RAB11FIP5: variants seen among roughly 807,000 people sequenced by gnomAD.
The protein encoded by RAB11FIP5 is rab11 family-interacting protein 5.
In RAB11FIP5, 48 loss-of-function variants were observed where a neutral mutation model predicts 85.1. The ratio of observed to expected loss-of-function variants is 0.56; its 90% CI spans 0.45 to 0.72. The LOEUF (loss-of-function observed/expected upper bound fraction) is 0.72, where lower values mean the gene tolerates loss of function less well. Among genes scored for constraint, RAB11FIP5 ranks in the 30% least tolerant of loss-of-function variants. The probability of loss-of-function intolerance (pLI) is 0.00; values close to 1 mark genes in which losing one functional copy is unlikely to be tolerated. For missense variants in RAB11FIP5, 1,491 were observed against 1,687.0 expected (o/e 0.88, Z 2.04); for synonymous variants, 729 against 727.3 (o/e 1.00, Z -0.04).
chr2:73,105,135 T>C (rs1306143850), intron 1 of RAB11FIP5, among the ~76,000 whole-genome samples: 1 of 152,238 alleles, frequency 6.6e-6, no homozygotes, highest in East Asian at 1.9e-4. Context: ...CGGAGTCTGG[T>C]ATGTGCTGAT....
intron 1 of RAB11FIP5, among the ~76,000 whole-genome samples, chr2:73,108,433 C>T (rs1273507097): frequency 6.6e-6 from 1 of 152,142 alleles, no homozygotes; most frequent in Non-Finnish European, 1.5e-5. Context: ...CAGTTGTGCT[C>T]TCTCCTCCTC....
rs193113699 is a variant in RAB11FIP5, at chr2:73,088,622, G to A, written c.996C>T (p.Ser332=). 5.0e-6 allele frequency: 8 copies of A among 1,613,400 alleles called. No individual in the cohort carries two copies. The East Asian group carries it at 1.6e-4, about 31-fold the overall frequency. Residue 332 remains serine, a synonymous_variant, in exon 3 of 6, where the codon TCC becomes TCT. Coordinates refer to ENST00000486777, the MANE Select transcript of RAB11FIP5 (RefSeq NM_001371272.1). ...TCCCATTGACACAGAGCGAAGAGCGGGAGGCAGCATCCAGGTGGCCCTGAA... is the reference window on the plus strand; with the variant it reads ...TCCCATTGACACAGAGCGAAGAGCGAGAGGCAGCATCCAGGTGGCCCTGAA... ...LDLQGHLDAA[S]RSSLCVNGSH...
chr2:73,081,018 A>T lies in RAB11FIP5; in HGVS notation c.2214T>A (p.Ala738=), dbSNP rs1683966233. ...LGPNHQSASA[A]DPGLLGSVGA... ...CTACCGACCCGAGGAGCCCTGGGTC[A>T]GCCGCGCTCGCGCTCTGGTGGTTCG... Residue 738 remains alanine, a synonymous_variant, in exon 4 of 6, where the codon GCT becomes GCA. Transcript: ENST00000486777. The surrounding 1 kb of genome is among the most constrained non-coding windows in gnomAD (Gnocchi z 4.2). 29 of 1,232,316 alleles carry T rather than the reference A, an allele frequency of 2.4e-5. No homozygotes were observed. The highest frequency in any genetic ancestry group is 2.9e-5 in the Non-Finnish European group (29 of 988,184). The allele number at this position is 1,232,316 out of a possible 1,614,324, so 76.3% of individuals were successfully genotyped here. A position where few individuals can be genotyped will look rare whatever the true frequency, so the allele number is the denominator to read the frequency against.
In RAB11FIP5 at chr2:73,088,159, C is replaced by T. The variant is rs768832166; in HGVS notation, c.1459G>A (p.Gly487Arg). ...LGRRSSLGEK[G>R]GPILGASPHH... is the part of the protein sequence containing the mutation. The stretch of plus-strand genomic sequence containing the variant: ...GGGGAGGCCCCCAGGATGGGACCCC[C>T]CTTTTCCCCCAGAGAGCTTCGGCGA... The change falls in exon 3 of 6, where the codon GGG becomes AGG. Residue 487 changes from glycine to arginine, a missense_variant. This residue lies in a region of RAB11FIP5 where 1,211 missense variants were observed against 1,338.0 expected (regional missense o/e 0.91). Transcript: ENST00000486777. 4.3e-6 allele frequency: 7 copies of T among 1,614,098 alleles called. No individual in the cohort carries two copies. The highest frequency in any genetic ancestry group is 1.3e-5 in the African/African-American group (1 of 75,062).
chr2:73,108,661 G>A (rs1224826332), intron 1 of RAB11FIP5, among the ~76,000 whole-genome samples: 1 of 152,186 alleles, frequency 6.6e-6, no homozygotes, highest in Non-Finnish European at 1.5e-5. Flanking sequence ...TGACCCCACA[G>A]GGAACAAGGA....
At chr2:73,097,162 T>C (rs1176433137) in intron 1 of RAB11FIP5, among the ~76,000 whole-genome samples, 3 of 152,168 alleles carry the variant, frequency 2.0e-5, no homozygotes, top group South Asian at 2.1e-4. Context: ...CTCAGCCACC[T>C]GAGTAGCTGG....
chr2:73,083,794 C>T (rs1684044381), intron 3 of RAB11FIP5, among the ~76,000 whole-genome samples: 1 of 152,180 alleles, frequency 6.6e-6, no homozygotes, highest in Non-Finnish European at 1.5e-5. Context: ...TGCATCCATA[C>T]CACACCCAGC....
intron 3 of RAB11FIP5, among the ~76,000 whole-genome samples, chr2:73,082,658 C>T (rs1032519042): frequency 2.0e-4 from 31 of 152,204 alleles, no homozygotes; most frequent in African/African-American, 7.5e-4. Flanking sequence ...CTCTGGATGT[C>T]ACCAGGGGCT....
At position 73,080,913 on chromosome 2, in the gene RAB11FIP5, C is replaced by G. The variant is rs150076676; in HGVS notation, c.2319G>C (p.Pro773=). 72 of 1,232,476 alleles carry G rather than the reference C, an allele frequency of 5.8e-5. No individual in the cohort carries two copies. The highest frequency in any genetic ancestry group is 7.1e-5 in the Non-Finnish European group (70 of 988,358). 76.3% of individuals were successfully genotyped at this position (1,232,476 alleles called of 1,614,324 possible). Residue 773 remains proline, a synonymous_variant, in exon 4 of 6, where the codon CCG becomes CCC. Coordinates refer to ENST00000486777, the MANE Select transcript of RAB11FIP5 (RefSeq NM_001371272.1). ...GSEPDRELPA[P]EVEAGQSPAD... ...CCGGACTCTGCCCTGCTTCCACTTC[C>G]GGGGCTGGCAGTTCCCTGTCTGGTT...
chr2:73,107,199 G>T (rs1000265467), intron 1 of RAB11FIP5, among the ~76,000 whole-genome samples: 3 of 152,212 alleles, frequency 2.0e-5, no homozygotes, highest in Non-Finnish European at 4.4e-5. Flanking sequence ...CTGCTTCATG[G>T]CTACACTATT....
At chr2:73,111,606 C>G (rs1684656516) in intron 1 of RAB11FIP5, among the ~76,000 whole-genome samples, 1 of 152,208 alleles carries the variant, frequency 6.6e-6, no homozygotes, top group Non-Finnish European at 1.5e-5. Flanking sequence ...TGGAAGTGAC[C>G]GGGAGATAAT....
At position 73,080,970 on chromosome 2, in the gene RAB11FIP5, T is replaced by A; in HGVS notation, c.2262A>T (p.Ser754=). 1 of 1,232,330 alleles carries A rather than the reference T, an allele frequency of 8.1e-7. No individual in the cohort carries two copies. Among genetic ancestry groups the A allele is most frequent in the South Asian group, 4.1e-5 (1 of 24,326 alleles). The allele number at this position is 1,232,330 out of a possible 1,614,324, so 76.3% of individuals were successfully genotyped here. A position where few individuals can be genotyped will look rare whatever the true frequency, so the allele number is the denominator to read the frequency against. The change falls in exon 4 of 6, where the codon TCA becomes TCT. Residue 754 remains serine, a synonymous_variant. Coordinates refer to ENST00000486777, the MANE Select transcript of RAB11FIP5 (RefSeq NM_001371272.1). ...GSVGAGLPSS[S]AQLQLRASGS... ...CTGAGGCTCTCAGCTGTAGCTGGGC[T>A]GACGAGGAGGGCAGGCCAGCCCCTA...
chr2:73,083,819 A>G (rs1684044862), intron 3 of RAB11FIP5, among the ~76,000 whole-genome samples: 1 of 152,166 alleles, frequency 6.6e-6, no homozygotes, highest in Non-Finnish European at 1.5e-5. Flanking sequence ...CCCTGTCTAC[A>G]GGACCCGGGC....
intron 4 of RAB11FIP5, 76 bp from the exon 5 acceptor site, chr2:73,076,258 G>A (rs1683860186): frequency 7.4e-7 from 1 of 1,342,438 alleles, no homozygotes; most frequent in African/African-American, 1.4e-5. Flanking sequence ...CCTTCCCTGT[G>A]GAGCCTCCAG....
chr2:73,076,401 C>T (rs1489145488), intron 4 of RAB11FIP5, among the ~76,000 whole-genome samples: 3 of 152,108 alleles, frequency 2.0e-5, no homozygotes, highest in South Asian at 4.1e-4. Context: ...CCTGCTCCCT[C>T]CCCATTTCAC....
At chr2:73,105,618 G>A (rs1326126412) in intron 1 of RAB11FIP5, among the ~76,000 whole-genome samples, 1 of 151,998 alleles carries the variant, frequency 6.6e-6, no homozygotes, top group Non-Finnish European at 1.5e-5. Flanking sequence ...CCAGCCTCTG[G>A]GACAGACATA....
In RAB11FIP5 at chr2:73,112,519, G is replaced by T. The variant is rs112480158; in HGVS notation, c.259C>A (p.Arg87=). The T allele has an allele frequency of 2.2e-5, 33 of 1,510,614 alleles. 1 individual carries two copies. The highest frequency in any genetic ancestry group is 2.8e-5 in the Non-Finnish European group (32 of 1,130,492). The allele number at this position is 1,510,614 out of a possible 1,614,324, so 93.6% of individuals were successfully genotyped here. The change falls in exon 1 of 6, where the codon CGG becomes AGG. Residue 87 remains arginine, a synonymous_variant. Coordinates refer to ENST00000486777, the MANE Select transcript of RAB11FIP5 (RefSeq NM_001371272.1). The part of the protein sequence containing the change: ...LPPGALDGLL[R]AQEADAGPAP... The stretch of plus-strand genomic sequence containing the variant: ...GGGCCCGCGTCGGCCTCCTGCGCCC[G>T]CAGCAGGCCATCCAGGGCCCCCGGC...
chr2:73,093,712 A>T (rs891433), intron 1 of RAB11FIP5, among the ~76,000 whole-genome samples: 4 of 152,052 alleles, frequency 2.6e-5, no homozygotes, highest in Non-Finnish European at 4.4e-5. Flanking sequence ...TGGCAAAACC[A>T]GCTTATCCTC....
chr2:73,102,622 TCAC>T (rs1684450703), intron 1 of RAB11FIP5, among the ~76,000 whole-genome samples: 1 of 152,172 alleles, frequency 6.6e-6, no homozygotes. Flanking sequence ...CTCTGATCTC[TCAC>T]TACTGTTGGC....
Sources: gnomAD v4.1 joint callset for allele counts (sites outside exome capture counted in the v4.1 genomes callset) on GRCh38, gnomAD v4.1.1 for gene constraint, gnomAD v4.1.1 regional missense constraint, Gnocchi (gnomAD v3.1) non-coding constraint, MANE v1.5 for transcripts, NCBI Gene and HGNC (gene_info 2026-07-23, HGNC 2026-07-21) for gene names.